Variants in SLC19A3 observed in about 807,000 individuals in gnomAD.
The protein encoded by SLC19A3 is thiamine transporter 2.
Under a neutral mutation model 40.2 loss-of-function variants are expected in SLC19A3, and 31 were observed. That is an observed-to-expected ratio of 0.77 (90% CI 0.58 to 1.04). The LOEUF is 1.04. SLC19A3 is among the 50% of genes least tolerant of loss of function. SLC19A3 has a pLI of 0.00. For missense variants in SLC19A3, 592 were observed against 596.7 expected, an observed-to-expected ratio of 0.99 and a Z score of 0.08; for synonymous variants, 212 against 227.5, an observed-to-expected ratio of 0.93 and a Z score of 0.61.
At position 227,703,239 on chromosome 2, in the gene SLC19A3, T is replaced by C. The variant is rs957006201; in HGVS notation, c.-2-919A>G. Among the ~76,000 whole-genome samples, 2 of 152,140 alleles carry C rather than the reference T, an allele frequency of 1.3e-5. No individual in the cohort carries two copies. Among genetic ancestry groups the C allele is most frequent in the Non-Finnish European group, 2.9e-5 (2 of 68,038 alleles). Reference sequence around the variant, plus strand: ...ATAGAGCTTTTAGGGTCAATTGCAGTTTGAAAGCAGACGAGAGAGAAGGAA... The same window carrying C: ...ATAGAGCTTTTAGGGTCAATTGCAGCTTGAAAGCAGACGAGAGAGAAGGAA... On this transcript the variant is annotated intron_variant, in intron 1 of 5. Coordinates refer to ENST00000644224, the MANE Select transcript of SLC19A3 (RefSeq NM_025243.4). The surrounding 1 kb of genome is among the most constrained non-coding windows in gnomAD (Gnocchi z 4.7).
At position 227,698,970 on chromosome 2, in the gene SLC19A3, G is replaced by A. The variant is rs143662945; in HGVS notation, c.745C>T (p.Leu249=). Residue 249 remains leucine (L), a synonymous_variant, in exon 3 of 6, where the codon CTG becomes TTG. Transcript: ENST00000644224. ...STSGKLNKGQ[L]NSLKPSNVTV... is the part of the protein sequence containing the mutation. ...ACATTGCTTGGTTTCAGGCTGTTCA[G>A]CTGGCCCTTATTCAGCTTCCCTGAA... 14 of 1,614,102 alleles carry A rather than the reference G, an allele frequency of 8.7e-6. No homozygotes were observed. The African/African-American group carries it at 1.7e-4, about 20-fold the overall frequency.
At chr2:227,691,235 C>T (rs1177048856) in intron 4 of SLC19A3, among the ~76,000 whole-genome samples, 1 of 152,040 alleles carries the variant, frequency 6.6e-6, no homozygotes, top group Non-Finnish European at 1.5e-5. Context: ...ATAATGGAAA[C>T]ACAACATGCC....
Position 227,702,240 on chromosome 2 carries a change from T to C in SLC19A3, c.79A>G (p.Met27Val). 2 of 1,613,910 alleles carry C rather than the reference T, an allele frequency of 1.2e-6. No homozygotes were observed. The highest frequency in any genetic ancestry group is 1.7e-5 in the Admixed American group (1 of 60,018). The change falls in exon 2 of 6, where the codon ATG becomes GTG. Residue 27 changes from methionine to valine, a missense_variant. Coordinates refer to ENST00000644224, the MANE Select transcript of SLC19A3 (RefSeq NM_025243.4). Reference protein sequence around the residue: ...VILCLFGFFSMMRPSEPFLIP... With the variant: ...VILCLFGFFSVMRPSEPFLIP... ...AGGAATGGTTCTGAGGGTCTCATCA[T>C]GGAGAAAAAACCAAATAAGCAGAGG...
intron 3 of SLC19A3, among the ~76,000 whole-genome samples, chr2:227,696,795 G>C (rs1695454807): frequency 6.6e-6 from 1 of 152,210 alleles, no homozygotes; most frequent in South Asian, 2.1e-4. Context: ...GCTGGGGACA[G>C]TGGCGCACTC....
chr2:227,717,794 G>A, intron 1 of SLC19A3, 149 bp downstream of exon 1: 5 of 530,994 alleles, frequency 9.4e-6, no homozygotes, highest in Non-Finnish European at 1.2e-5. Context: ...TAGGGGGAGA[G>A]CTCCTCACGC....
At position 227,712,049 on chromosome 2, in the gene SLC19A3, C is replaced by CCAA. The variant is rs1461652980; in HGVS notation, c.-3+5891_-3+5893dup. Among the ~76,000 whole-genome samples the CCAA allele has an allele frequency of 0.01, 123 of 11,776 alleles. 30 individuals are homozygous for CCAA. In the East Asian group the frequency reaches 0.19, roughly 19 times the overall value. 7.7% of individuals were successfully genotyped at this position (11,776 alleles called of 152,430 possible). A position where few individuals can be genotyped will look rare whatever the true frequency, so the allele number is the denominator to read the frequency against. On this transcript the variant is annotated intron_variant, in intron 1 of 5. Coordinates refer to ENST00000644224, the MANE Select transcript of SLC19A3 (RefSeq NM_025243.4). ...TGGGCGACAGAATGAAACTCTGTCT[C>CCAA]CAAAAAAAAAAAAAAAAAAAAAAAA... is the stretch of plus-strand genomic sequence containing the variant.
At chr2:227,712,028 C>A (rs558594726) in intron 1 of SLC19A3, among the ~76,000 whole-genome samples, 2 of 110,000 alleles carry the variant, frequency 1.8e-5, no homozygotes, top group Non-Finnish European at 3.4e-5. Flanking sequence ...CCAGCCTGGG[C>A]GACAGAATGA....
chr2:227,706,491 C>A, intron 1 of SLC19A3: 10 of 1,221,366 alleles, frequency 8.2e-6, no homozygotes, highest in Non-Finnish European at 9.2e-6. Context: ...TTTTAAAAGG[C>A]TGGGTGTAGT....
intron 1 of SLC19A3, among the ~76,000 whole-genome samples, chr2:227,715,294 C>T (rs1696295794): frequency 6.6e-6 from 1 of 152,110 alleles, no homozygotes; most frequent in South Asian, 2.1e-4. Context: ...GCATGCCACA[C>T]AACTTCCAAA....
chr2:227,712,588 A>C (rs2106342837), intron 1 of SLC19A3, among the ~76,000 whole-genome samples: 1 of 152,324 alleles, frequency 6.6e-6, no homozygotes, highest in Non-Finnish European at 1.5e-5. Context: ...CGAATGTAAA[A>C]TGGCACCAAC....
intron 1 of SLC19A3, among the ~76,000 whole-genome samples, chr2:227,710,290 G>T (rs957776541): frequency 4.6e-5 from 7 of 152,130 alleles, no homozygotes; most frequent in Non-Finnish European, 5.9e-5. Context: ...TGAGAAATGG[G>T]CTAGCCTGAT....
At chr2:227,715,168 T>C (rs1696290238) in intron 1 of SLC19A3, among the ~76,000 whole-genome samples, 1 of 151,638 alleles carries the variant, frequency 6.6e-6, no homozygotes, top group African/African-American at 2.4e-5. Context: ...TTCTATAGAA[T>C]TTTGTGCTAA....
At position 227,698,796 on chromosome 2, in the gene SLC19A3, C is replaced by G. The variant is rs377204541; in HGVS notation, c.919G>C (p.Ala307Pro). The change falls in exon 3 of 6, where the codon GCG (alanine) becomes CCG (proline). Residue 307 changes from alanine (A) to proline (P), a missense_variant. Physicochemically the swap from Ala to Pro is conservative, Grantham distance 27. Coordinates refer to ENST00000644224, the MANE Select transcript of SLC19A3 (RefSeq NM_025243.4). The stretch of plus-strand genomic sequence containing the variant: ...TAGATGGAAGAATCTTGGGATGGCG[C>G]CTTGTAATCCCACAGGATTTGAACA... ...NYVQILWDYK[A>P]PSQDSSIYNG... 20 of 1,614,056 alleles carry G rather than the reference C, an allele frequency of 1.2e-5. No homozygotes were observed. The highest frequency in any genetic ancestry group is 1.7e-5 in the Non-Finnish European group (20 of 1,180,052).
At chr2:227,698,624 AG>A (rs1695536450) in intron 3 of SLC19A3, 111 bp downstream of exon 3, 4 of 990,502 alleles carry the variant, frequency 4.0e-6, no homozygotes, top group Middle Eastern at 3.1e-4. Context: ...GACTGAAAAA[AG>A]TTATGCTTCC....
At chr2:227,700,618 A>G (rs1223759503) in intron 2 of SLC19A3, among the ~76,000 whole-genome samples, 1 of 152,204 alleles carries the variant, frequency 6.6e-6, no homozygotes, top group East Asian at 1.9e-4. Flanking sequence ...CCCTTCCAAC[A>G]TCTGGAAAGA....
Position 227,712,123 on chromosome 2 carries a change from A to G in SLC19A3, c.-3+5820T>C, listed in dbSNP as rs1174208220. Among the ~76,000 whole-genome samples, 6 of 146,728 alleles carry G rather than the reference A, an allele frequency of 4.1e-5. No homozygotes were observed. The South Asian group carries it at 1.3e-3, about 33-fold the overall frequency. On this transcript the variant is annotated intron_variant, in intron 1 of 5. Transcript: ENST00000644224. ...GGTACTGTTAAGAAACTGGCAAGGG[A>G]CCAGGTGCAGTGGCTCACGACTGTA...
At chr2:227,716,445 C>T (rs1696338120) in intron 1 of SLC19A3, among the ~76,000 whole-genome samples, 1 of 152,158 alleles carries the variant, frequency 6.6e-6, no homozygotes, top group South Asian at 2.1e-4. Flanking sequence ...CTCTGACCTT[C>T]CCGGCTCCCA....
At chr2:227,716,662 T>A (rs1696345545) in intron 1 of SLC19A3, among the ~76,000 whole-genome samples, 1 of 152,190 alleles carries the variant, frequency 6.6e-6, no homozygotes, top group Non-Finnish European at 1.5e-5. Flanking sequence ...CTCCCTCCCG[T>A]AACCTCATTT....
intron 4 of SLC19A3, among the ~76,000 whole-genome samples, chr2:227,689,515 A>T (rs1019267486): frequency 1.3e-5 from 2 of 152,200 alleles, no homozygotes; most frequent in Non-Finnish European, 2.9e-5. Flanking sequence ...CAGTGAAAAT[A>T]TCAAACCCGA....
Sources: gnomAD v4.1 joint callset for allele counts (sites outside exome capture counted in the v4.1 genomes callset) on GRCh38, gnomAD v4.1.1 for gene constraint, Gnocchi (gnomAD v3.1) non-coding constraint, MANE v1.5 for transcripts, NCBI Gene and HGNC (gene_info 2026-07-23, HGNC 2026-07-21) for gene names.